Variants in ABCE1 observed in about 807,000 individuals in gnomAD.
The protein encoded by ABCE1 is ATP binding cassette subfamily E member 1.
ABCE1 carries 22 observed loss-of-function variants against 83.4 expected under a neutral mutation model. The observed-to-expected ratio is 0.26, with a 90% CI of 0.19 to 0.38. The LOEUF (loss-of-function observed/expected upper bound fraction) is 0.38, where lower values mean the gene tolerates loss of function less well. ABCE1 is among the 10% of genes least tolerant of loss of function. The pLI is 1.00. For missense variants in ABCE1, 330 were observed against 721.9 expected, an observed-to-expected ratio of 0.46 and a Z score of 6.22; for synonymous variants, 204 against 233.7, an observed-to-expected ratio of 0.87 and a Z score of 1.16.
chr4:145,098,933 C>A (rs1219178326), intron 1 of ABCE1, among the ~76,000 whole-genome samples: 3 of 152,232 alleles, frequency 2.0e-5, no homozygotes, highest in African/African-American at 7.2e-5. Flanking sequence ...CACTCCCAGG[C>A]TTTATAGAAA....
chr4:145,106,036 C>T (rs1749294578), intron 3 of ABCE1, among the ~76,000 whole-genome samples: 1 of 151,822 alleles, frequency 6.6e-6, no homozygotes, highest in Non-Finnish European at 1.5e-5. Context: ...TAGAAATGCA[C>T]ACAGCCAAAA....
At chr4:145,113,051 A>G (rs1749524337) in intron 9 of ABCE1, among the ~76,000 whole-genome samples, 1 of 152,242 alleles carries the variant, frequency 6.6e-6, no homozygotes, top group Non-Finnish European at 1.5e-5. Context: ...CTTGCAAGAA[A>G]GCAAGAGAAA....
At chr4:145,110,942 G>A (rs1428561390) in intron 7 of ABCE1, 26 bp from the exon 8 acceptor site, 2 of 1,509,332 alleles carry the variant, frequency 1.3e-6, no homozygotes, top group Non-Finnish European at 1.8e-6. Flanking sequence ...AATACATTGA[G>A]CACAATGCCT....
chr4:145,117,508 C>A, intron 10 of ABCE1, 94 bp downstream of exon 10: 3 of 1,191,152 alleles, frequency 2.5e-6, no homozygotes, highest in Non-Finnish European at 3.5e-6. Flanking sequence ...TTACATTGGT[C>A]TGATATCATC....
In ABCE1 at chr4:145,124,971, A is replaced by ATTTTTTTTTTTTTTTTT; in HGVS notation, c.1641-8_1641-7insTTTTTTTTTTTTTTTTT. ...CTGAAGTAAAATTTAATCAAAATTG[A>ATTTTTTTTTTTTTTTTT]TTTTTTTTTTTCTCTTAGTCCTCAA... On this transcript the variant is annotated intron_variant, in intron 16 of 17. Transcript: ENST00000296577. 1 of 1,117,128 alleles carries ATTTTTTTTTTTTTTTTT rather than the reference A, an allele frequency of 9.0e-7. No homozygotes were observed. The allele number at this position is 1,117,128 out of a possible 1,614,324, so 69.2% of individuals were successfully genotyped here. A position where few individuals can be genotyped will look rare whatever the true frequency, so the allele number is the denominator to read the frequency against.
At chr4:145,104,601 T>C in intron 2 of ABCE1, 86 bp downstream of exon 2, 1 of 857,870 alleles carries the variant, frequency 1.2e-6, no homozygotes, top group Non-Finnish European at 1.7e-6. Flanking sequence ...GACATTAACA[T>C]AAACTTTGTG....
rs34056463 is a variant in ABCE1, at chr4:145,102,110, C to G, written c.-27-2276C>G. On this transcript the variant is annotated intron_variant, in intron 1 of 17. Transcript: ENST00000296577. Reference sequence around the variant, plus strand: ...AACCAAGTTAAGAAAGGGTTTTTATCTAGTAGGAAAAGTGTTTATTTGTGT... The same window carrying G: ...AACCAAGTTAAGAAAGGGTTTTTATGTAGTAGGAAAAGTGTTTATTTGTGT... 4.7e-3 allele frequency among the ~76,000 whole-genome samples: 712 copies of G among 152,046 alleles called. 3 individuals carry two copies. The highest frequency in any genetic ancestry group is 0.015 in the African/African-American group (612 of 41,462).
chr4:145,107,215 A>G (rs1409231870), intron 3 of ABCE1, among the ~76,000 whole-genome samples: 3 of 152,088 alleles, frequency 2.0e-5, no homozygotes, highest in Non-Finnish European at 4.4e-5. Flanking sequence ...TCTTATTCAT[A>G]TAAGATAGAT....
chr4:145,123,653 A>C, intron 16 of ABCE1, 53 bp downstream of exon 16: 2 of 1,496,612 alleles, frequency 1.3e-6, no homozygotes, highest in Non-Finnish European at 1.8e-6. Flanking sequence ...TTTTCCAGTA[A>C]ATAGTAAAGT....
At chr4:145,102,639 A>T (rs527774768) in intron 1 of ABCE1, among the ~76,000 whole-genome samples, 1 of 152,118 alleles carries the variant, frequency 6.6e-6, no homozygotes, top group Non-Finnish European at 1.5e-5. Context: ...TTTAACCAAG[A>T]TTGTGATTTA....
intron 13 of ABCE1, chr4:145,122,758 C>T: frequency 3.6e-6 from 1 of 278,312 alleles, no homozygotes. Context: ...CTGCAGTGAG[C>T]CCTGATCATG....
At position 145,105,676 on chromosome 4, in the gene ABCE1, G is replaced by T. The variant is rs1301198607; in HGVS notation, c.175G>T (p.Gly59Cys). ...WISETLCIGC[G>C]ICIKKCPFGA... is the part of the protein sequence containing the mutation. ...TTCCGAAACTCTTTGTATTGGTTGT[G>T]GTATCTGTATTAAGGTAAGTAATAT... The change falls in exon 3 of 18, where the codon GGT becomes TGT. Residue 59 changes from glycine (G) to cysteine (C), a missense_variant. Coordinates refer to ENST00000296577, the MANE Select transcript of ABCE1 (RefSeq NM_002940.3). 6.2e-7 allele frequency: 1 copy of T among 1,603,238 alleles called. No homozygotes were observed. The highest frequency in any genetic ancestry group is 1.7e-5 in the Admixed American group (1 of 59,846).
In ABCE1 at chr4:145,110,048, C is replaced by T; in HGVS notation, c.406-55C>T. The T allele has an allele frequency of 4.9e-6, 7 of 1,429,630 alleles. No homozygotes were observed. The South Asian group carries it at 1.0e-4, about 21-fold the overall frequency. 88.6% of individuals were successfully genotyped at this position (1,429,630 alleles called of 1,614,324 possible). A position where few individuals can be genotyped will look rare whatever the true frequency, so the allele number is the denominator to read the frequency against. ...ATCTATTTCCTGTAGCATTCATCCT[C>T]TTTGTCATTGTATTATTAAATTCAC... On this transcript the variant is annotated intron_variant, in intron 5 of 17. Transcript: ENST00000296577.
rs2126711911 is a variant in ABCE1, at chr4:145,120,009, G to T, written c.1000G>T (p.Ala334Ser). 6.2e-7 allele frequency: 1 copy of T among 1,612,458 alleles called. No individual in the cohort carries two copies. The highest frequency in any genetic ancestry group is 8.5e-7 in the Non-Finnish European group (1 of 1,179,116). The stretch of plus-strand genomic sequence containing the variant: ...AGATGCATCACTTGTTTTTAAAGTG[G>T]CTGAGACAGCAAATGAAGAAGAAGT... ...FRDASLVFKV[A>S]ETANEEEVKK... The change falls in exon 11 of 18, where the codon GCT becomes TCT. Residue 334 changes from alanine (A) to serine (S), a missense_variant. Transcript: ENST00000296577.
At position 145,119,920 on chromosome 4, in the gene ABCE1, T is replaced by C. The variant is rs558484939; in HGVS notation, c.923-12T>C. The C allele has an allele frequency of 1.9e-6, 3 of 1,603,782 alleles. No individual in the cohort carries two copies. The Admixed American group carries it at 5.1e-5, about 27-fold the overall frequency. ...AATGATTTCTCCCGGTTGACAATTTTCTTCCCAACAGGCATAAACATTTTT... is the reference window on the plus strand; with the variant it reads ...AATGATTTCTCCCGGTTGACAATTTCCTTCCCAACAGGCATAAACATTTTT... On this transcript the variant is annotated splice_polypyrimidine_tract_variant and intron_variant, in intron 10 of 17. Transcript: ENST00000296577.
intron 13 of ABCE1, chr4:145,122,779 C>T: frequency 1.8e-5 from 6 of 328,686 alleles, no homozygotes; most frequent in Non-Finnish European, 3.3e-5. Flanking sequence ...CCATTGCACA[C>T]CTGGGCAATG....
chr4:145,110,349 T>C, intron 6 of ABCE1, 26 bp from the exon 7 acceptor site: 1 of 1,606,252 alleles, frequency 6.2e-7, no homozygotes, highest in Non-Finnish European at 8.5e-7. Context: ...AAGAAAATAG[T>C]AACTGTTTTT....
chr4:145,113,556 G>A (rs891968362), intron 9 of ABCE1, among the ~76,000 whole-genome samples: 1 of 152,026 alleles, frequency 6.6e-6, no homozygotes, highest in South Asian at 2.1e-4. Flanking sequence ...AGCTCAAATT[G>A]TAAATTATAA....
At position 145,110,875 on chromosome 4, in the gene ABCE1, A is replaced by G; in HGVS notation, c.614-93A>G. The G allele has an allele frequency of 5.2e-6, 4 of 776,560 alleles. No individual in the cohort carries two copies. The South Asian group carries it at 7.6e-5, about 15-fold the overall frequency. The allele number at this position is 776,560 out of a possible 1,614,324, so 48.1% of individuals were successfully genotyped here. On this transcript the variant is annotated intron_variant, in intron 7 of 17. Transcript: ENST00000296577. The stretch of plus-strand genomic sequence containing the variant: ...TATATTTAAACAATTTTCAACTGAA[A>G]TAGCATTCAAACTTCAAATGATGAC...
Sources: allele counts gnomAD v4.1 joint callset (sites outside exome capture counted in the v4.1 genomes callset), GRCh38; gene constraint gnomAD v4.1.1; transcripts MANE v1.5; gene names NCBI Gene and HGNC (gene_info 2026-07-23, HGNC 2026-07-21).